Variants in CHSY3 observed in about 807,000 individuals in gnomAD.
The protein encoded by CHSY3 is chondroitin sulfate synthase 3.
A neutral mutation model predicts 67.2 loss-of-function variants in CHSY3; 35 were observed. The ratio of observed to expected loss-of-function variants is 0.52; its 90% CI spans 0.40 to 0.69. CHSY3 has a LOEUF of 0.69. Among genes scored for constraint, CHSY3 ranks in the 30% least tolerant of loss-of-function variants. The probability of loss-of-function intolerance (pLI) is 0.00; values close to 1 mark genes in which losing one functional copy is unlikely to be tolerated. For missense variants in CHSY3, 1,069 were observed against 1,138.5 expected, an observed-to-expected ratio of 0.94 and a Z score of 0.88; for synonymous variants, 474 against 434.7, an observed-to-expected ratio of 1.09 and a Z score of -1.12.
chr5:130,005,650 A>G (rs1164018854), intron 2 of CHSY3, among the ~76,000 whole-genome samples: 1 of 152,158 alleles, frequency 6.6e-6, no homozygotes, highest in Non-Finnish European at 1.5e-5. Flanking sequence ...TGATTCCAGT[A>G]GGATGTCAAA....
chr5:130,111,258 A>G (rs1025413588), intron 2 of CHSY3, among the ~76,000 whole-genome samples: 1 of 150,894 alleles, frequency 6.6e-6, no homozygotes, highest in Non-Finnish European at 1.5e-5. Context: ...ATAATCTGCT[A>G]TACTGTGTTT....
chr5:129,967,888 C>A (rs1762513909), intron 2 of CHSY3, among the ~76,000 whole-genome samples: 1 of 151,646 alleles, frequency 6.6e-6, no homozygotes, highest in East Asian at 1.9e-4. Context: ...AATTTAATTT[C>A]CTGGAAAGTC....
rs557708127 is a variant in CHSY3 at position 130,141,545 on chromosome 5, A to G, written c.1087-42684A>G. Reference sequence around the variant, plus strand: ...GTTATTATCACTAATGACAAGGGCCATTTGAGCAAGGAAGACATTGAATGT... The same window carrying G: ...GTTATTATCACTAATGACAAGGGCCGTTTGAGCAAGGAAGACATTGAATGT... On this transcript the variant is annotated intron_variant, in intron 2 of 2. Coordinates refer to ENST00000305031, the MANE Select transcript of CHSY3 (RefSeq NM_175856.5). 359 of 405,220 alleles carry G rather than the reference A, an allele frequency of 8.9e-4. 6 individuals carry two copies. Among genetic ancestry groups the G allele is most frequent in the Non-Finnish European group, 1.1e-3 (220 of 207,472 alleles). 25.1% of individuals were successfully genotyped at this position (405,220 alleles called of 1,614,324 possible).
At chr5:130,117,809 C>T (rs1373121837) in intron 2 of CHSY3, among the ~76,000 whole-genome samples, 1 of 152,122 alleles carries the variant, frequency 6.6e-6, no homozygotes, top group African/African-American at 2.4e-5. Flanking sequence ...CTCAGAATAA[C>T]ACTGCTGCAT....
intron 2 of CHSY3, among the ~76,000 whole-genome samples, chr5:129,978,593 GGACTTTCCA>G (rs1414340236): frequency 2.6e-5 from 4 of 151,994 alleles, no homozygotes; most frequent in Non-Finnish European, 5.9e-5. Flanking sequence ...TTGAGATCAA[GGACTTTCCA>G]ATATATCATA....
At chr5:130,061,236 G>A (rs1765703400) in intron 2 of CHSY3, among the ~76,000 whole-genome samples, 1 of 152,032 alleles carries the variant, frequency 6.6e-6, no homozygotes, top group East Asian at 1.9e-4. Flanking sequence ...GGATCAGAAT[G>A]GAGAACCCAG....
chr5:130,043,753 G>C (rs1042419153), intron 2 of CHSY3, among the ~76,000 whole-genome samples: 1 of 105,896 alleles, frequency 9.4e-6, no homozygotes, highest in Non-Finnish European at 2.3e-5. Context: ...AACACCTGAC[G>C]TGTGCATATG....
intron 2 of CHSY3, among the ~76,000 whole-genome samples, chr5:130,115,921 C>T (rs551291555): frequency 2.0e-4 from 31 of 152,202 alleles, no homozygotes; most frequent in Non-Finnish European, 2.9e-4. Flanking sequence ...ACTGAGCTCA[C>T]GTCGACCTCC....
chr5:130,182,607 T>G, intron 2 of CHSY3, among the ~76,000 whole-genome samples: 1 of 152,122 alleles, frequency 6.6e-6, no homozygotes. Flanking sequence ...TTCTAGAAAC[T>G]TTTTAAAGCC....
intron 2 of CHSY3, among the ~76,000 whole-genome samples, chr5:130,015,871 G>T (rs1438176916): frequency 6.6e-6 from 1 of 152,034 alleles, no homozygotes; most frequent in Admixed American, 6.5e-5. Flanking sequence ...AGAAAATGTG[G>T]TATATATACT....
At chr5:130,177,704 A>T (rs1225984840) in intron 2 of CHSY3, among the ~76,000 whole-genome samples, 1 of 152,136 alleles carries the variant, frequency 6.6e-6, no homozygotes, top group Non-Finnish European at 1.5e-5. Flanking sequence ...CTAAAATTTC[A>T]CAGTGGTGTG....
chr5:130,150,242 G>T (rs888071877), intron 2 of CHSY3, among the ~76,000 whole-genome samples: 1 of 152,006 alleles, frequency 6.6e-6, no homozygotes, highest in Non-Finnish European at 1.5e-5. Context: ...AAATAGCAAA[G>T]TTTTAGGTCT....
chr5:130,140,800 T>G (rs981562060), intron 2 of CHSY3: 1 of 229,132 alleles, frequency 4.4e-6, no homozygotes, highest in Admixed American at 6.0e-5. Flanking sequence ...ACAATAGAGC[T>G]GTCTGATGCC....
intron 2 of CHSY3, among the ~76,000 whole-genome samples, chr5:130,171,991 C>T (rs1745402563): frequency 6.6e-6 from 1 of 152,070 alleles, no homozygotes; most frequent in Non-Finnish European, 1.5e-5. Flanking sequence ...AGGCATAGCT[C>T]AGTGCTGTGT....
At position 129,904,678 on chromosome 5, in the gene CHSY3, G is replaced by A; in HGVS notation, c.-152G>A. 1.7e-6 allele frequency: 2 copies of A among 1,167,224 alleles called. No homozygotes were observed. Among genetic ancestry groups the A allele is most frequent in the Non-Finnish European group, 2.1e-6 (2 of 935,510 alleles). The allele number at this position is 1,167,224 out of a possible 1,614,324, so 72.3% of individuals were successfully genotyped here. On this transcript the variant is annotated 5_prime_UTR_variant, in exon 1 of 3. Transcript: ENST00000305031. ...AGCCCGCGGCAGTCGAGGCGTCCGC[G>A]GCGCTTCGACCTCCAGCCGGTGTCG... is the stretch of plus-strand genomic sequence containing the variant.
intron 2 of CHSY3, among the ~76,000 whole-genome samples, chr5:129,993,432 CTTG>C (rs1763430031): frequency 6.6e-6 from 1 of 152,144 alleles, no homozygotes; most frequent in Non-Finnish European, 1.5e-5. Flanking sequence ...GTTAGCTCTT[CTTG>C]TTGAATTGAT....
At chr5:130,044,072 T>C (rs916805263) in intron 2 of CHSY3, among the ~76,000 whole-genome samples, 4 of 152,092 alleles carry the variant, frequency 2.6e-5, no homozygotes, top group African/African-American at 9.7e-5. Flanking sequence ...CTGAAATATG[T>C]AAATCTTCAG....
intron 2 of CHSY3, among the ~76,000 whole-genome samples, chr5:130,079,725 C>T (rs1766384897): frequency 6.6e-6 from 1 of 152,070 alleles, no homozygotes; most frequent in Admixed American, 6.6e-5. Context: ...AATAAACTTA[C>T]TTACTTCATA....
At chr5:129,968,819 G>A (rs1762541550) in intron 2 of CHSY3, among the ~76,000 whole-genome samples, 1 of 151,780 alleles carries the variant, frequency 6.6e-6, no homozygotes. Flanking sequence ...CAAAGTGCAG[G>A]TCACCAGTAG....
Sources: allele counts gnomAD v4.1 joint callset (sites outside exome capture counted in the v4.1 genomes callset), GRCh38; gene constraint gnomAD v4.1.1; transcripts MANE v1.5; gene names NCBI Gene and HGNC (gene_info 2026-07-23, HGNC 2026-07-21).